The following IGSF10 variants were observed in gnomAD, a reference collection of about 807,000 sequenced individuals.
IGSF10 encodes the protein calvaria mechanical force protein 608.
IGSF10 carries 126 observed loss-of-function variants against 128.2 expected under a neutral mutation model. The observed-to-expected ratio is 0.98, with a 90% confidence interval of 0.85 to 1.14. The LOEUF is 1.14. IGSF10 is among the 50% of genes most tolerant of loss of function. The pLI is 0.00. For missense variants in IGSF10, 3,295 were observed against 3,149.8 expected, an observed-to-expected ratio of 1.05 and a Z score of -1.10; for synonymous variants, 1,185 against 1,146.2, an observed-to-expected ratio of 1.03 and a Z score of -0.68.
At position 151,444,912 on chromosome 3, in the gene IGSF10, C is replaced by G. The variant is rs1357400235; in HGVS notation, c.5062+7G>C. The G allele has an allele frequency of 6.4e-7, 1 of 1,562,584 alleles. No homozygotes were observed. Among genetic ancestry groups the G allele is most frequent in the Non-Finnish European group, 8.6e-7 (1 of 1,159,004 alleles). On this transcript the variant is annotated splice_region_variant and intron_variant, in intron 6 of 7. Transcript: ENST00000282466. ...AAAACTAAGTGTAAAGAAAAAGTTTCACATACCTGATGGGACTCTGGTCCA... is the reference window on the plus strand; with the variant it reads ...AAAACTAAGTGTAAAGAAAAAGTTTGACATACCTGATGGGACTCTGGTCCA...
At position 151,437,400 on chromosome 3, in the gene IGSF10, C is replaced by G. The variant is rs1021942646; in HGVS notation, c.7161G>C (p.Gln2387His). The change falls in exon 8 of 8, where the codon CAG (glutamine) becomes CAC (histidine). Residue 2387 changes from glutamine (Q) to histidine (H), a missense_variant. Coordinates refer to ENST00000282466, the MANE Select transcript of IGSF10 (RefSeq NM_178822.5). ...AAGAACCATTGCTTGCTATCAGATACTGATAACTTTGTGGTCCATTGGAAA... is the reference window on the plus strand; with the variant it reads ...AAGAACCATTGCTTGCTATCAGATAGTGATAACTTTGTGGTCCATTGGAAA... ...TRFSNGPQSY[Q>H]YLIASNGSFI... 11 of 1,614,188 alleles carry G rather than the reference C, an allele frequency of 6.8e-6. No homozygotes were observed. The highest frequency in any genetic ancestry group is 8.5e-6 in the Non-Finnish European group (10 of 1,180,020).
rs141131898 is a variant in IGSF10 at position 151,441,544 on chromosome 3, A to G, written c.5963+1440T>C. On this transcript the variant is annotated intron_variant, in intron 7 of 7. Coordinates refer to ENST00000282466, the MANE Select transcript of IGSF10 (RefSeq NM_178822.5). ...TCGTGTCATTAGAAGAAAATCTTCAACTCCTAAGCATGAGTACAAATTCAC... is the reference window on the plus strand; with the variant it reads ...TCGTGTCATTAGAAGAAAATCTTCAGCTCCTAAGCATGAGTACAAATTCAC... Among the ~76,000 whole-genome samples, 650 of 152,156 alleles carry G rather than the reference A, an allele frequency of 4.3e-3. 3 individuals are homozygous for G. The highest frequency in any genetic ancestry group is 0.015 in the African/African-American group (618 of 41,496).
chr3:151,438,823 G>GAT (rs3975347), intron 7 of IGSF10, among the ~76,000 whole-genome samples: 26 of 149,944 alleles, frequency 1.7e-4, no homozygotes, highest in African/African-American at 5.4e-4. Flanking sequence ...TACATTTTGA[G>GAT]ATATATATAT....
At chr3:151,492,795 C>G in the IGSF10 span, among the ~76,000 whole-genome samples, 1 of 150,600 alleles carries the variant, frequency 6.6e-6, no homozygotes, top group East Asian at 1.9e-4. Flanking sequence ...GTATATATAC[C>G]CAAAGGAGAT....
chr3:151,513,315 A>G, the IGSF10 span, among the ~76,000 whole-genome samples: 2 of 132,998 alleles, frequency 1.5e-5, no homozygotes, highest in Admixed American at 1.5e-4. Context: ...TTCAACATAC[A>G]AAAAAAAAAA....
chr3:151,512,187 A>G, the IGSF10 span, among the ~76,000 whole-genome samples: 3 of 152,218 alleles, frequency 2.0e-5, no homozygotes, highest in African/African-American at 4.8e-5. Context: ...CACCACACCT[A>G]TTCCAAAATT....
the IGSF10 span, among the ~76,000 whole-genome samples, chr3:151,580,669 T>C: frequency 6.6e-6 from 1 of 152,168 alleles, no homozygotes; most frequent in East Asian, 1.9e-4. Context: ...TCAGCAGTTT[T>C]AACGTTAAAA....
At chr3:151,453,214 GT>G (rs1003435083) in intron 5 of IGSF10, among the ~76,000 whole-genome samples, 169 bp downstream of exon 5, 1 of 152,198 alleles carries the variant, frequency 6.6e-6, no homozygotes, top group Non-Finnish European at 1.5e-5. Context: ...GACTGCCACA[GT>G]TGCCAAAACA....
chr3:151,531,122 C>T, the IGSF10 span, among the ~76,000 whole-genome samples: 81 of 151,988 alleles, frequency 5.3e-4, no homozygotes, highest in African/African-American at 1.8e-3. Flanking sequence ...AGGGATCAAT[C>T]CAGCAAGAAG....
the IGSF10 span, among the ~76,000 whole-genome samples, chr3:151,483,921 C>T: frequency 1.3e-5 from 2 of 152,202 alleles, no homozygotes; most frequent in Non-Finnish European, 2.9e-5. Context: ...TTTTATATAC[C>T]CCAGTGGCAC....
chr3:151,533,894 C>T, the IGSF10 span, among the ~76,000 whole-genome samples: 2 of 152,152 alleles, frequency 1.3e-5, no homozygotes, highest in Non-Finnish European at 2.9e-5. Flanking sequence ...AAGATTTTTG[C>T]AATCTATCCA....
At chr3:151,508,345 C>T in the IGSF10 span, among the ~76,000 whole-genome samples, 5,068 of 151,932 alleles carry the variant, frequency 0.033, 176 homozygotes, top group African/African-American at 0.089. Flanking sequence ...TGATAATACA[C>T]TAATATAAAA....
chr3:151,541,731 G>A, the IGSF10 span, among the ~76,000 whole-genome samples: 1 of 151,494 alleles, frequency 6.6e-6, no homozygotes. Context: ...TCCTTCTCTC[G>A]AGGACATACA....
chr3:151,516,629 C>T, the IGSF10 span, among the ~76,000 whole-genome samples: 1 of 151,848 alleles, frequency 6.6e-6, no homozygotes, highest in Non-Finnish European at 1.5e-5. Flanking sequence ...TGGAAGTCTT[C>T]ACTCTTCTAG....
chr3:151,609,076 G>A, the IGSF10 span, among the ~76,000 whole-genome samples: 4 of 152,146 alleles, frequency 2.6e-5, no homozygotes, highest in South Asian at 2.1e-4. Flanking sequence ...CTGCTTTAGA[G>A]GAAAACCTCT....
the IGSF10 span, among the ~76,000 whole-genome samples, chr3:151,554,871 G>C: frequency 3.4e-4 from 51 of 152,028 alleles, no homozygotes; most frequent in Non-Finnish European, 6.9e-4. Context: ...GCAAGGGTTC[G>C]AGGCTATCCA....
chr3:151,437,104 T>C lies in IGSF10; in HGVS notation c.7457A>G (p.His2486Arg), dbSNP rs141915454. Reference protein sequence around the residue: ...RPQINGKYILHDNGTLVIKEA... With the variant: ...RPQINGKYILRDNGTLVIKEA... ...TTTAATGACTAAGGTGCCATTGTCATGCAATATGTATTTCCCATTAATTTG... is the reference window on the plus strand; with the variant it reads ...TTTAATGACTAAGGTGCCATTGTCACGCAATATGTATTTCCCATTAATTTG... The change falls in exon 8 of 8, where the codon CAT (histidine) becomes CGT (arginine). Residue 2486 changes from histidine to arginine, a missense_variant. Transcript: ENST00000282466. 2.3e-5 allele frequency: 37 copies of C among 1,614,112 alleles called. No homozygotes were observed. The African/African-American group carries it at 4.1e-4, about 18-fold the overall frequency.
chr3:151,443,719 T>A lies in IGSF10; in HGVS notation c.5228A>T (p.Tyr1743Phe), dbSNP rs778312935. ...HLHVTLSVVSYPPRILERRTK... is the reference protein window; with the variant it reads ...HLHVTLSVVSFPPRILERRTK... Reference sequence around the variant, plus strand: ...ACGTCTCTCCAGGATCCTGGGAGGATAGGAAACCACAGACAAGGTGACATG... The same window carrying A: ...ACGTCTCTCCAGGATCCTGGGAGGAAAGGAAACCACAGACAAGGTGACATG... Residue 1743 changes from tyrosine (Y) to phenylalanine (F), a missense_variant, in exon 7 of 8, where the codon TAT (tyrosine) becomes TTT (phenylalanine). Physicochemically the swap from Tyr to Phe is conservative, Grantham distance 22. Transcript: ENST00000282466. The A allele has an allele frequency of 6.2e-7, 1 of 1,614,022 alleles. No homozygotes were observed. The highest frequency in any genetic ancestry group is 1.3e-5 in the African/African-American group (1 of 74,896).
At chr3:151,479,078 T>C in the IGSF10 span, among the ~76,000 whole-genome samples, 5 of 152,302 alleles carry the variant, frequency 3.3e-5, no homozygotes, top group African/African-American at 9.6e-5. Context: ...TGCAAATGCA[T>C]AGCAGCAAGA....
Sources: allele counts gnomAD v4.1 joint callset (sites outside exome capture counted in the v4.1 genomes callset), GRCh38; gene constraint gnomAD v4.1.1; transcripts MANE v1.5; gene names NCBI Gene and HGNC (gene_info 2026-07-23, HGNC 2026-07-21).